FSCN2: variants seen among roughly 807,000 people sequenced by gnomAD.
The protein encoded by FSCN2 is fascin actin-bundling protein 2, retinal.
A neutral mutation model predicts 37.8 loss-of-function variants in FSCN2; 46 were observed. That is an observed-to-expected ratio of 1.22 (90% CI 0.96 to 1.56). FSCN2 has a LOEUF of 1.56. Ranked by LOEUF, FSCN2 falls within the 40% of genes most tolerant of loss-of-function variation. The pLI, the probability that FSCN2 is intolerant of heterozygous loss-of-function variation, is 0.00. For missense variants in FSCN2, 844 were observed against 730.4 expected, an observed-to-expected ratio of 1.16 and a Z score of -1.79; for synonymous variants, 351 against 309.4, an observed-to-expected ratio of 1.13 and a Z score of -1.41.
chr17:81,531,731 G>GGTGATGATA (rs2032626055), intron 1 of FSCN2, among the ~76,000 whole-genome samples: 1 of 115,464 alleles, frequency 8.7e-6, no homozygotes, highest in Non-Finnish European at 1.8e-5. Context: ...TGATGGTGAT[G>GGTGATGATA]GTGATGATGG....
At chr17:81,535,999 G>A (rs2032864637) in intron 2 of FSCN2, 147 bp from the exon 3 acceptor site, 6 of 971,606 alleles carry the variant, frequency 6.2e-6, no homozygotes, top group Non-Finnish European at 7.5e-6. Context: ...AAAGCCCACT[G>A]GGGCAGGGTA....
At chr17:81,532,814 G>T (rs978996014) in intron 1 of FSCN2, among the ~76,000 whole-genome samples, 1 of 151,698 alleles carries the variant, frequency 6.6e-6, no homozygotes, top group African/African-American at 2.4e-5. Flanking sequence ...GGACTGTATG[G>T]ACCATTTTTC....
chr17:81,521,528 T>A, the FSCN2 span, among the ~76,000 whole-genome samples: 1 of 152,140 alleles, frequency 6.6e-6, no homozygotes, highest in Non-Finnish European at 1.5e-5. Flanking sequence ...TATGCCACCA[T>A]GCCTGGCTAA....
At position 81,529,191 on chromosome 17, in the gene FSCN2, CT is replaced by C; in HGVS notation, c.662del (p.Phe221SerfsTer67). 6.3e-7 allele frequency: 1 copy of C among 1,596,222 alleles called. No homozygotes were observed. Among genetic ancestry groups the C allele is most frequent in the East Asian group, 2.3e-5 (1 of 44,074 alleles). ...TLEFKAGKLAFKDCDGHYLAP... is the reference protein window; with the variant it reads ...TLEFKAGKLAXKDCDGHYLAP... Reference sequence around the variant, plus strand: ...TGGAGTTCAAGGCGGGCAAGCTGGCCTTCAAGGACTGCGACGGCCACTACCT... The same window carrying C: ...TGGAGTTCAAGGCGGGCAAGCTGGCCTCAAGGACTGCGACGGCCACTACCT... On this transcript the variant is annotated frameshift_variant, in exon 1 of 5. Transcript: ENST00000417245. LOFTEE classifies it high-confidence loss of function.
At chr17:81,521,212 C>A in the FSCN2 span, among the ~76,000 whole-genome samples, 1 of 152,156 alleles carries the variant, frequency 6.6e-6, no homozygotes, top group Non-Finnish European at 1.5e-5. Flanking sequence ...GGATTACAGG[C>A]ATGTGCCACC....
rs781922608 is a variant in FSCN2, at chr17:81,530,834, G to A, written c.826+1477G>A. On this transcript the variant is annotated intron_variant, in intron 1 of 4. Coordinates refer to ENST00000417245, the MANE Select transcript of FSCN2 (RefSeq NM_012418.4). ...GGGTCCCAGGAGTGAGAATTCAACT[G>A]TGGATGCACGGCCATGGCCCTTCCT... Among the ~76,000 whole-genome samples the A allele has an allele frequency of 1.2e-4, 19 of 152,258 alleles. 1 individual carries two copies. Among genetic ancestry groups the A allele is most frequent in the Admixed American group, 3.3e-4 (5 of 15,294 alleles).
intron 1 of FSCN2, among the ~76,000 whole-genome samples, chr17:81,531,888 GCGA>G (rs1238872486): frequency 3.5e-5 from 2 of 57,470 alleles, no homozygotes; most frequent in Admixed American, 1.5e-4. Flanking sequence ...GATGGTGATG[GCGA>G]TGATGGTGAT....
Position 81,531,171 on chromosome 17 carries a change from GTGATGGTGA to G in FSCN2, c.826+1823_826+1831del, listed in dbSNP as rs201810656. On this transcript the variant is annotated intron_variant, in intron 1 of 4. Transcript: ENST00000417245. The stretch of plus-strand genomic sequence containing the variant: ...AATGATGGTGATGGTGATGATGGTG[GTGATGGTGA>G]TGATGGTGGTGATGGTGGTGATGGT... Among the ~76,000 whole-genome samples, 803 of 146,570 alleles carry G rather than the reference GTGATGGTGA, an allele frequency of 5.5e-3. 9 individuals carry two copies. Among genetic ancestry groups the G allele is most frequent in the African/African-American group, 0.019 (753 of 39,120 alleles).
At chr17:81,536,095 T>C in intron 2 of FSCN2, 51 bp from the exon 3 acceptor site, 2 of 1,584,128 alleles carry the variant, frequency 1.3e-6, no homozygotes, top group Non-Finnish European at 1.7e-6. Context: ...AGTGAGACCC[T>C]GCACCCCCAT....
rs782556052 is a variant in FSCN2, at chr17:81,529,270, G to A, written c.739G>A (p.Gly247Ser). 3.5e-5 allele frequency: 55 copies of A among 1,593,150 alleles called. No homozygotes were observed. In the South Asian group the frequency reaches 5.8e-4, roughly 17 times the overall value. ...TLKAGRNTRP[G>S]KDELFDLEES... ...CAAGGCCGGCCGAAACACGCGACCT[G>A]GCAAGGATGAGCTCTTTGATCTGGA... The change falls in exon 1 of 5, where the codon GGC becomes AGC. Residue 247 changes from glycine (G) to serine (S), a missense_variant. Physicochemically the swap from Gly to Ser is moderately conservative, Grantham distance 56. Transcript: ENST00000417245.
At position 81,536,731 on chromosome 17, in the gene FSCN2, C is replaced by A. The variant is rs750995722; in HGVS notation, c.1215C>A (p.Asn405Lys). The A allele has an allele frequency of 6.2e-7, 1 of 1,611,204 alleles. No homozygotes were observed. Among genetic ancestry groups the A allele is most frequent in the South Asian group, 1.1e-5 (1 of 90,876 alleles). Residue 405 changes from asparagine (N) to lysine (K), a missense_variant, in exon 4 of 5, where the codon AAC (asparagine) becomes AAA (lysine). By Grantham distance (94) the Asn-to-Lys change is moderately conservative. Transcript: ENST00000417245. ...GCGGCTCCAACCAGCTGGACACCAA[C>A]CGCTCCGTCTACGACGTCTTCCACC... ...HHRGSNQLDT[N>K]RSVYDVFHLS...
At position 81,528,955 on chromosome 17, in the gene FSCN2, C is replaced by A; in HGVS notation, c.424C>A (p.His142Asn). Residue 142 changes from histidine to asparagine, a missense_variant, in exon 1 of 5, where the codon CAC becomes AAC. Physicochemically the swap from His to Asn is moderately conservative, Grantham distance 68 (BLOSUM62 1). Coordinates refer to ENST00000417245, the MANE Select transcript of FSCN2 (RefSeq NM_012418.4). ...GCACCTGGCCATCCACCCGCAGGCC[C>A]ACCTGCTGAGCGTGAGCCGGCGGCG... ...TVHLAIHPQA[H>N]LLSVSRRRYV... is the part of the protein sequence containing the mutation. 3 of 1,590,366 alleles carry A rather than the reference C, an allele frequency of 1.9e-6. No homozygotes were observed. The highest frequency in any genetic ancestry group is 2.6e-6 in the Non-Finnish European group (3 of 1,172,618).
upstream of FSCN2, among the ~76,000 whole-genome samples, chr17:81,524,240 G>A (rs1044440245): frequency 2.0e-5 from 3 of 152,082 alleles, no homozygotes; most frequent in Non-Finnish European, 2.9e-5. Context: ...CTCAGGCCTC[G>A]GGAGGCTGCC....
chr17:81,535,291 T>TCCCCATCTCCATCCCCAC, intron 2 of FSCN2, 83 bp downstream of exon 2: 2 of 711,158 alleles, frequency 2.8e-6, no homozygotes, highest in South Asian at 3.8e-5. Flanking sequence ...ACCATCCGCA[T>TCCCCATCTCCATCCCCAC]CCCCATCTCC....
At chr17:81,531,684 GTGA>G (rs1296593082) in intron 1 of FSCN2, among the ~76,000 whole-genome samples, 4,775 of 124,278 alleles carry the variant, frequency 0.038, 456 homozygotes, top group African/African-American at 0.14. Context: ...GATGATGATG[GTGA>G]TGATGGTGAT....
intron 1 of FSCN2, among the ~76,000 whole-genome samples, chr17:81,531,216 G>GTGA (rs2032545279): frequency 1.0e-5 from 1 of 96,182 alleles, no homozygotes; most frequent in African/African-American, 5.0e-5. Context: ...GGTGATGGTG[G>GTGA]TGATGGTGAT....
At chr17:81,534,990 G>A in intron 1 of FSCN2, 62 bp from the exon 2 acceptor site, 1 of 1,309,820 alleles carries the variant, frequency 7.6e-7, no homozygotes, top group Non-Finnish European at 1.0e-6. Context: ...CCCAAAATAT[G>A]CCCCCTCCCC....
rs1267618797 is a variant in FSCN2 at position 81,536,992 on chromosome 17, G to A, written c.1391G>A (p.Arg464Gln). ...CGCGGCCGCCTGGCCATCCGCGCCC[G>A]GAGCGGCAAGTACCTGCGCGGCGGC... ...RERGRLAIRA[R>Q]SGKYLRGGAS... Residue 464 changes from arginine to glutamine, a missense_variant, in exon 5 of 5, where the codon CGG (arginine) becomes CAG (glutamine). By Grantham distance (43) the Arg-to-Gln change is conservative. Transcript: ENST00000417245. 6.6e-6 allele frequency: 10 copies of A among 1,525,048 alleles called. No homozygotes were observed. Among genetic ancestry groups the A allele is most frequent in the South Asian group, 4.9e-5 (4 of 82,040 alleles). The allele number at this position is 1,525,048 out of a possible 1,614,324, so 94.5% of individuals were successfully genotyped here. A position where few individuals can be genotyped will look rare whatever the true frequency, so the allele number is the denominator to read the frequency against.
upstream of FSCN2, among the ~76,000 whole-genome samples, chr17:81,525,425 C>CAAAAAA (rs1202765459): frequency 1.7e-4 from 8 of 47,856 alleles, no homozygotes; most frequent in African/African-American, 2.5e-4. Context: ...GACTCTGTCT[C>CAAAAAA]AAAAAAAAAA....
Sources: allele counts gnomAD v4.1 joint callset (sites outside exome capture counted in the v4.1 genomes callset), GRCh38; gene constraint gnomAD v4.1.1; transcripts MANE v1.5; gene names NCBI Gene and HGNC (gene_info 2026-07-23, HGNC 2026-07-21).